Variants in G3BP2 observed in about 807,000 individuals in gnomAD.
G3BP2 encodes ras GTPase-activating protein-binding protein 2.
G3BP2 carries 11 observed loss-of-function variants against 56.7 expected under a neutral mutation model. The ratio of observed to expected loss-of-function variants is 0.19; its 90% CI spans 0.12 to 0.32. The LOEUF is 0.32. Among genes scored for constraint, G3BP2 ranks in the 10% least tolerant of loss-of-function variants. The pLI, the probability that G3BP2 is intolerant of heterozygous loss-of-function variation, is 1.00. For missense variants in G3BP2, 340 were observed against 610.9 expected (o/e 0.56, Z 4.67); for synonymous variants, 165 against 191.6 (o/e 0.86, Z 1.15).
At chr4:75,674,717 TA>T (rs1354172878), upstream of G3BP2, among the ~76,000 whole-genome samples, 2,245 of 49,846 alleles carry the variant, frequency 0.045, 21 homozygotes, top group Middle Eastern at 0.096. Context: ...TATATATATA[TA>T]TTTTTTTTTT....
intron 1 of G3BP2, among the ~76,000 whole-genome samples, chr4:75,663,752 C>A (rs984176109): frequency 2.7e-5 from 4 of 150,512 alleles, no homozygotes; most frequent in African/African-American, 9.8e-5. Context: ...CCCAGCCACT[C>A]CGGAGGCTGA....
chr4:75,684,118 T>C (rs538537175), intron 3 of G3BP2, among the ~76,000 whole-genome samples: 1 of 152,180 alleles, frequency 6.6e-6, no homozygotes, highest in African/African-American at 2.4e-5. Context: ...TTAAAAATCA[T>C]AAATAGGCCG....
intron 3 of G3BP2, among the ~76,000 whole-genome samples, chr4:75,705,801 G>A (rs116180581): frequency 2.3e-3 from 344 of 152,230 alleles, no homozygotes; most frequent in African/African-American, 7.8e-3. Context: ...GAAAGAACAG[G>A]TGTAACAGCC....
At chr4:75,696,448 G>A (rs1187260944) in intron 3 of G3BP2, among the ~76,000 whole-genome samples, 4 of 152,178 alleles carry the variant, frequency 2.6e-5, no homozygotes, top group African/African-American at 7.2e-5. Context: ...GGAAGCCAGC[G>A]GCTCCCTAAT....
chr4:75,715,228 G>A (rs767268686), intron 3 of G3BP2, among the ~76,000 whole-genome samples: 1 of 151,944 alleles, frequency 6.6e-6, no homozygotes, highest in Admixed American at 6.6e-5. Flanking sequence ...AATGTTTGCC[G>A]AATCAATAAT....
chr4:75,706,189 C>T (rs1250782129), intron 3 of G3BP2, among the ~76,000 whole-genome samples: 2 of 152,172 alleles, frequency 1.3e-5, no homozygotes, highest in African/African-American at 2.4e-5. Flanking sequence ...CCTACTTACA[C>T]TTGAACTTCA....
At chr4:75,687,376 C>A (rs1718656855) in intron 3 of G3BP2, among the ~76,000 whole-genome samples, 1 of 152,212 alleles carries the variant, frequency 6.6e-6, no homozygotes, top group South Asian at 2.1e-4. Context: ...CTCCTCCTTG[C>A]CTTCCACCAT....
chr4:75,711,325 A>G (rs1023697743), intron 3 of G3BP2, among the ~76,000 whole-genome samples: 1 of 150,780 alleles, frequency 6.6e-6, no homozygotes, highest in Non-Finnish European at 1.5e-5. Flanking sequence ...TCTCAAAGAA[A>G]AAAAAAAAAA....
At chr4:75,690,568 G>C (rs1050741978) in intron 3 of G3BP2, among the ~76,000 whole-genome samples, 20 of 151,992 alleles carry the variant, frequency 1.3e-4, no homozygotes, top group African/African-American at 4.6e-4. Flanking sequence ...AAGGTATGGA[G>C]TTTCTTTCTG....
intron 3 of G3BP2, among the ~76,000 whole-genome samples, chr4:75,708,961 A>T (rs1436152809): frequency 6.6e-6 from 1 of 152,002 alleles, no homozygotes; most frequent in African/African-American, 2.4e-5. Flanking sequence ...ATACAAAAAA[A>T]TAGCCAGGCA....
chr4:75,661,405 A>G (rs1732542765), intron 2 of G3BP2: 1 of 151,402 alleles, frequency 6.6e-6, no homozygotes, highest in African/African-American at 2.4e-5. Flanking sequence ...TTGGGATTAC[A>G]TGAGTGAGAG....
chr4:75,674,718 A>ATATATATATATATAT (rs1241041465), upstream of G3BP2, among the ~76,000 whole-genome samples: 3 of 71,424 alleles, frequency 4.2e-5, no homozygotes, highest in African/African-American at 1.8e-4. Context: ...ATATATATAT[A>ATATATATATATATAT]TTTTTTTTTT....
chr4:75,696,359 T>G (rs528612655), intron 3 of G3BP2, among the ~76,000 whole-genome samples: 29 of 152,296 alleles, frequency 1.9e-4, no homozygotes, highest in African/African-American at 6.7e-4. Flanking sequence ...TCTGGCATTC[T>G]CAGAAATCAC....
intron 3 of G3BP2, among the ~76,000 whole-genome samples, chr4:75,696,273 GTGTT>G (rs1193283357): frequency 6.6e-6 from 1 of 152,200 alleles, no homozygotes; most frequent in Non-Finnish European, 1.5e-5. Flanking sequence ...GGTTTGAGCT[GTGTT>G]TGTTTGGGCT....
chr4:75,714,093 G>A (rs1195397366), intron 3 of G3BP2, among the ~76,000 whole-genome samples: 2 of 152,104 alleles, frequency 1.3e-5, no homozygotes, highest in African/African-American at 4.8e-5. Flanking sequence ...TAGACCAAAA[G>A]AAAAAAACTT....
intron 8 of G3BP2, among the ~76,000 whole-genome samples, chr4:75,649,417 T>C (rs1731499321): frequency 6.6e-6 from 1 of 152,220 alleles, no homozygotes; most frequent in South Asian, 2.1e-4. Flanking sequence ...TTTGAAGTAT[T>C]GGTCCCAACG....
chr4:75,689,574 G>A (rs1419347061), intron 3 of G3BP2, among the ~76,000 whole-genome samples: 1 of 152,194 alleles, frequency 6.6e-6, no homozygotes, highest in African/African-American at 2.4e-5. Flanking sequence ...AGCTCTGCAA[G>A]AGAAAGATGC....
intron 3 of G3BP2, among the ~76,000 whole-genome samples, chr4:75,694,249 A>T (rs1363453617): frequency 2.0e-5 from 3 of 152,204 alleles, no homozygotes; most frequent in Non-Finnish European, 4.4e-5. Flanking sequence ...CTGTGGCCTG[A>T]AGTACAAGGT....
chr4:75,658,432 G>GAA (rs200593131), intron 3 of G3BP2, among the ~76,000 whole-genome samples: 21 of 142,892 alleles, frequency 1.5e-4, no homozygotes, highest in Middle Eastern at 3.6e-3. Flanking sequence ...TCATATTGGG[G>GAA]AAAAAAAAAA....
Sources: gnomAD v4.1 joint callset for allele counts (sites outside exome capture counted in the v4.1 genomes callset) on GRCh38, gnomAD v4.1.1 for gene constraint, MANE v1.5 for transcripts, NCBI Gene and HGNC (gene_info 2026-07-23, HGNC 2026-07-21) for gene names.